Variants in ZNF385C observed in about 807,000 individuals in gnomAD.
ZNF385C encodes the protein zinc finger protein 385C, also known as CTD-2132N18.2.
In ZNF385C, 28 loss-of-function variants were observed where a neutral mutation model predicts 35.4. The observed-to-expected ratio is 0.79, with a 90% CI of 0.59 to 1.08. The LOEUF is 1.08. ZNF385C is among the 50% of genes least tolerant of loss of function. The pLI is 0.00. For missense variants in ZNF385C, 605 were observed against 595.6 expected (o/e 1.02, Z -0.16); for synonymous variants, 248 against 248.2 (o/e 1.00, Z 0.01).
intron 1 of ZNF385C, among the ~76,000 whole-genome samples, chr17:42,064,068 GCACATACA>G (rs1232987524): frequency 6.7e-5 from 4 of 59,488 alleles, no homozygotes; most frequent in African/African-American, 1.5e-4. Flanking sequence ...GCGCGCACAC[GCACATACA>G]CACACACACA....
At chr17:42,046,924 G>GCGAT (rs1246814633) in intron 2 of ZNF385C, among the ~76,000 whole-genome samples, 2 of 150,504 alleles carry the variant, frequency 1.3e-5, no homozygotes, top group African/African-American at 4.9e-5. Flanking sequence ...GTGCAGTGGT[G>GCGAT]CGATCTCAGC....
chr17:42,095,181 A>G lies in ZNF385C; in HGVS notation c.-3+3229T>C, dbSNP rs1308478072. On this transcript the variant is annotated intron_variant, in intron 1 of 8. Coordinates refer to ENST00000692273, the MANE Select transcript of ZNF385C (RefSeq NM_001392013.1). This position sits in a 1 kb window ranked among gnomAD's most constrained non-coding sequence, Gnocchi z 4.4. ...TCCTCAAATAGCCCAATCAGAAACA[A>G]TGAGTGAGCAGAGACAGCCACAATA... Among the ~76,000 whole-genome samples, 1 of 152,176 alleles carries G rather than the reference A, an allele frequency of 6.6e-6. No individual in the cohort carries two copies. The highest frequency in any genetic ancestry group is 2.4e-5 in the African/African-American group (1 of 41,448).
At chr17:42,042,880 G>T (rs2053058302) in intron 2 of ZNF385C, 1 of 1,232,196 alleles carries the variant, frequency 8.1e-7, no homozygotes, top group African/African-American at 1.6e-5. Flanking sequence ...GCCATGCTCT[G>T]TGCCCAGCAG....
intron 1 of ZNF385C, among the ~76,000 whole-genome samples, chr17:42,090,869 G>A (rs187135635): frequency 1.4e-3 from 215 of 152,168 alleles, no homozygotes; most frequent in African/African-American, 4.1e-3. Flanking sequence ...GCGACAGAGC[G>A]AGACTCCGTC....
In ZNF385C at chr17:42,025,854, AG is replaced by A. The variant is rs2052565829; in HGVS notation, c.*1042del. On this transcript the variant is annotated 3_prime_UTR_variant, in exon 9 of 9. Coordinates refer to ENST00000692273, the MANE Select transcript of ZNF385C (RefSeq NM_001392013.1). ...ACTGCCTCCCAACACTCAGCTTCACAGTGGCAGGGGCTGGTTGGGAGAAGGG... is the reference window on the plus strand; with the variant it reads ...ACTGCCTCCCAACACTCAGCTTCACATGGCAGGGGCTGGTTGGGAGAAGGG... The A allele has an allele frequency of 6.6e-6, 1 of 152,210 alleles. No homozygotes were observed. Among genetic ancestry groups the A allele is most frequent in the Non-Finnish European group, 1.5e-5 (1 of 68,056 alleles). 9.4% of individuals were successfully genotyped at this position (152,210 alleles called of 1,614,324 possible). A position where few individuals can be genotyped will look rare whatever the true frequency, so the allele number is the denominator to read the frequency against.
At chr17:42,046,878 T>A (rs1170830300) in intron 2 of ZNF385C, among the ~76,000 whole-genome samples, 2 of 151,416 alleles carry the variant, frequency 1.3e-5, no homozygotes, top group African/African-American at 4.8e-5. Context: ...TTTTTTTTTT[T>A]AATTGAGACA....
intron 2 of ZNF385C, among the ~76,000 whole-genome samples, chr17:42,048,061 A>C (rs1468829346): frequency 6.6e-6 from 1 of 151,684 alleles, no homozygotes; most frequent in Non-Finnish European, 1.5e-5. Flanking sequence ...TCCTCTGTCC[A>C]TCACTCCTTG....
intron 1 of ZNF385C, among the ~76,000 whole-genome samples, chr17:42,094,166 A>G (rs1220885955): frequency 6.6e-6 from 1 of 152,010 alleles, no homozygotes; most frequent in Non-Finnish European, 1.5e-5. Flanking sequence ...TATTTTTAGT[A>G]GAGACGGGGG....
intron 1 of ZNF385C, among the ~76,000 whole-genome samples, chr17:42,096,097 C>T (rs1320980113): frequency 6.6e-6 from 1 of 152,128 alleles, no homozygotes; most frequent in East Asian, 1.9e-4. Context: ...CCCTGGCCAC[C>T]CCCCTTCCTG....
At chr17:42,034,772 G>A (rs1158873430) in intron 3 of ZNF385C, among the ~76,000 whole-genome samples, 6 of 122,056 alleles carry the variant, frequency 4.9e-5, no homozygotes, top group Admixed American at 8.6e-5. Flanking sequence ...CAACAAGAGC[G>A]AAACTTCGTC....
chr17:42,048,479 A>G (rs1467587144), intron 2 of ZNF385C, among the ~76,000 whole-genome samples: 2 of 151,860 alleles, frequency 1.3e-5, no homozygotes, highest in Non-Finnish European at 2.9e-5. Flanking sequence ...CGAGTTTGAG[A>G]CTGCAGTGAA....
chr17:42,052,545 G>A (rs1030664563), intron 2 of ZNF385C, among the ~76,000 whole-genome samples: 6 of 152,136 alleles, frequency 3.9e-5, no homozygotes, highest in Admixed American at 6.5e-5. Context: ...GGAGGCAAAG[G>A]CAGGCACACT....
intron 1 of ZNF385C, among the ~76,000 whole-genome samples, chr17:42,066,141 C>A (rs1012497797): frequency 1.3e-5 from 2 of 152,132 alleles, no homozygotes; most frequent in African/African-American, 2.4e-5. Context: ...CTCACTGCAA[C>A]CTCTGCCTCC....
chr17:42,090,015 A>G (rs1213049292), intron 1 of ZNF385C, among the ~76,000 whole-genome samples: 2 of 152,182 alleles, frequency 1.3e-5, no homozygotes, highest in East Asian at 3.9e-4. Flanking sequence ...AGTGGTTAAA[A>G]TATCCTGTGT....
intron 1 of ZNF385C, among the ~76,000 whole-genome samples, chr17:42,096,426 G>A (rs966764390): frequency 2.6e-5 from 4 of 152,180 alleles, no homozygotes; most frequent in Non-Finnish European, 4.4e-5. Flanking sequence ...ACTGGCAGCA[G>A]GAGGGCCAGA....
chr17:42,068,851 C>CTGA (rs2053584237), intron 1 of ZNF385C, among the ~76,000 whole-genome samples: 1 of 152,238 alleles, frequency 6.6e-6, no homozygotes, highest in African/African-American at 2.4e-5. Context: ...CTGACCTGAA[C>CTGA]TGATGGGTGG....
intron 2 of ZNF385C, among the ~76,000 whole-genome samples, chr17:42,053,955 C>T (rs956254683): frequency 3.9e-5 from 6 of 152,068 alleles, no homozygotes; most frequent in African/African-American, 1.4e-4. Context: ...GAGGGGAGGG[C>T]GCGAGGGAGG....
chr17:42,041,103 T>A, intron 2 of ZNF385C: 1 of 1,232,312 alleles, frequency 8.1e-7, no homozygotes. Flanking sequence ...CCGGCCAGTC[T>A]CTGGTCTCGT....
chr17:42,062,678 C>A (rs1366803955), intron 2 of ZNF385C, 129 bp downstream of exon 2: 3 of 421,062 alleles, frequency 7.1e-6, no homozygotes, highest in Non-Finnish European at 1.3e-5. Context: ...CCCTAAGACC[C>A]CATTGAGGGC....
Sources: allele counts gnomAD v4.1 joint callset (sites outside exome capture counted in the v4.1 genomes callset), GRCh38; gene constraint gnomAD v4.1.1; non-coding constraint Gnocchi (gnomAD v3.1); transcripts MANE v1.5; gene names NCBI Gene and HGNC (gene_info 2026-07-23, HGNC 2026-07-21).